PARD3B: variants seen among roughly 807,000 people sequenced by gnomAD.
The protein encoded by PARD3B is partitioning defective 3 homolog B.
Under a neutral mutation model 130.2 loss-of-function variants are expected in PARD3B, and 103 were observed. The ratio of observed to expected loss-of-function variants is 0.79; its 90% CI spans 0.67 to 0.93. PARD3B has a LOEUF of 0.93. Among genes scored for constraint, PARD3B ranks in the 40% least tolerant of loss-of-function variants. PARD3B has a pLI of 0.00. For synonymous variants in PARD3B, 583 were observed against 553.2 expected (o/e 1.05, Z -0.76); for missense variants, 1,609 against 1,499.2 (o/e 1.07, Z -1.21).
chr2:204,686,399 CAGGT>C (rs2037088367), intron 2 of PARD3B, 117 bp downstream of exon 2: 2 of 765,104 alleles, frequency 2.6e-6, no homozygotes, highest in Admixed American at 4.4e-5. Context: ...ACCATCTGTT[CAGGT>C]TTCACCTGGA....
At chr2:204,629,872 A>G (rs1429531874) in intron 1 of PARD3B, among the ~76,000 whole-genome samples, 9 of 152,216 alleles carry the variant, frequency 5.9e-5, no homozygotes, top group Non-Finnish European at 1.3e-4. Flanking sequence ...CATACCAAAT[A>G]CTATAGACTT....
intron 15 of PARD3B, among the ~76,000 whole-genome samples, chr2:205,209,567 C>A (rs1307580926): frequency 6.8e-6 from 1 of 147,670 alleles, no homozygotes; most frequent in Non-Finnish European, 1.5e-5. Flanking sequence ...ATATAATGTG[C>A]AATTAAATAT....
intron 2 of PARD3B, among the ~76,000 whole-genome samples, chr2:204,851,252 G>A (rs1267399222): frequency 3.3e-5 from 5 of 152,046 alleles, no homozygotes; most frequent in East Asian, 3.9e-4. Flanking sequence ...AACAAAAATA[G>A]AAAATAATTC....
At chr2:205,092,806 G>A (rs1336195482) in intron 4 of PARD3B, among the ~76,000 whole-genome samples, 1 of 152,172 alleles carries the variant, frequency 6.6e-6, no homozygotes, top group Admixed American at 6.6e-5. Context: ...TCCTTTCTCA[G>A]CTGGTGAGAA....
chr2:205,531,606 T>C (rs1435094460), intron 21 of PARD3B, among the ~76,000 whole-genome samples: 3 of 152,144 alleles, frequency 2.0e-5, no homozygotes, highest in Non-Finnish European at 4.4e-5. Flanking sequence ...ATTCCAGTCT[T>C]GCATGTTATT....
At chr2:204,582,321 G>T (rs1375329945) in intron 1 of PARD3B, among the ~76,000 whole-genome samples, 1 of 152,194 alleles carries the variant, frequency 6.6e-6, no homozygotes, top group East Asian at 1.9e-4. Flanking sequence ...CTGTCAGTTT[G>T]TGTGTGTGCA....
At chr2:205,475,111 T>C (rs1002035133) in intron 20 of PARD3B, among the ~76,000 whole-genome samples, 1 of 152,180 alleles carries the variant, frequency 6.6e-6, no homozygotes, top group Non-Finnish European at 1.5e-5. Flanking sequence ...AGGTCTTTTA[T>C]GCACTGAACT....
At chr2:204,874,114 G>A (rs188837490) in intron 2 of PARD3B, among the ~76,000 whole-genome samples, 195 of 152,220 alleles carry the variant, frequency 1.3e-3, no homozygotes, top group Non-Finnish European at 2.3e-3. Flanking sequence ...TCGTACTCCC[G>A]CCTGAGCGAT....
chr2:204,653,568 A>G, intron 1 of PARD3B, among the ~76,000 whole-genome samples: 1 of 150,764 alleles, frequency 6.6e-6, no homozygotes, highest in Non-Finnish European at 1.5e-5. Context: ...AGGTGGGTGG[A>G]TCACCTGAGG....
At chr2:205,260,316 G>A (rs2105759835) in intron 16 of PARD3B, among the ~76,000 whole-genome samples, 1 of 152,132 alleles carries the variant, frequency 6.6e-6, no homozygotes, top group East Asian at 1.9e-4. Flanking sequence ...ATAGCATCAT[G>A]TCAGTGCTCA....
At chr2:205,310,285 C>T (rs1336771298) in intron 18 of PARD3B, among the ~76,000 whole-genome samples, 1 of 151,864 alleles carries the variant, frequency 6.6e-6, no homozygotes, top group African/African-American at 2.4e-5. Flanking sequence ...GACGGGGTTT[C>T]ACCATGTTAG....
intron 22 of PARD3B, among the ~76,000 whole-genome samples, chr2:205,610,731 T>A (rs1227145144): frequency 6.6e-6 from 1 of 152,236 alleles, no homozygotes; most frequent in Non-Finnish European, 1.5e-5. Flanking sequence ...AGTCATTCTG[T>A]GTTGGACCCA....
chr2:205,617,544 T>G lies in PARD3B; in HGVS notation c.*1731T>G, dbSNP rs1021423682. On this transcript the variant is annotated 3_prime_UTR_variant, in exon 23 of 23. Coordinates refer to ENST00000406610, the MANE Select transcript of PARD3B (RefSeq NM_001302769.2). Reference sequence around the variant, plus strand: ...CTGCTAGTTTTAGATGTAAATAGTGTTATTTACTGGACTTTGTGATATTAT... The same window carrying G: ...CTGCTAGTTTTAGATGTAAATAGTGGTATTTACTGGACTTTGTGATATTAT... 2 of 152,204 alleles carry G rather than the reference T, an allele frequency of 1.3e-5. No individual in the cohort carries two copies. The highest frequency in any genetic ancestry group is 2.9e-5 in the Non-Finnish European group (2 of 68,048). The allele number at this position is 152,204 out of a possible 1,614,324, so 9.4% of individuals were successfully genotyped here.
At chr2:204,698,871 C>T (rs992974429) in intron 2 of PARD3B, among the ~76,000 whole-genome samples, 1 of 151,972 alleles carries the variant, frequency 6.6e-6, no homozygotes, top group East Asian at 1.9e-4. Context: ...AATGTCGCTT[C>T]AACTGGGTGC....
In PARD3B at chr2:205,400,993, TCTC is replaced by T. The variant is rs766550173; in HGVS notation, c.2631-17_2631-15del. 1 of 1,546,060 alleles carries T rather than the reference TCTC, an allele frequency of 6.5e-7. No homozygotes were observed. The highest frequency in any genetic ancestry group is 1.4e-5 in the African/African-American group (1 of 74,006). Reference sequence around the variant, plus strand: ...ACAATGTGATTATTGTTAACAGCCTTCTCCTTCACGTTTCACTAGATTTGGAAA... The same window carrying T: ...ACAATGTGATTATTGTTAACAGCCTTCTTCACGTTTCACTAGATTTGGAAA... On this transcript the variant is annotated splice_polypyrimidine_tract_variant and intron_variant, in intron 18 of 22. Coordinates refer to ENST00000406610, the MANE Select transcript of PARD3B (RefSeq NM_001302769.2).
At chr2:205,362,370 T>C (rs1284633583) in intron 18 of PARD3B, among the ~76,000 whole-genome samples, 1 of 152,236 alleles carries the variant, frequency 6.6e-6, no homozygotes, top group Non-Finnish European at 1.5e-5. Flanking sequence ...CAATAGGTTC[T>C]GCAACAAATT....
At chr2:204,950,489 G>A (rs1223554008) in intron 2 of PARD3B, among the ~76,000 whole-genome samples, 2 of 152,132 alleles carry the variant, frequency 1.3e-5, no homozygotes, top group Non-Finnish European at 2.9e-5. Flanking sequence ...GTAGATGCGA[G>A]GGCGTGCGGG....
chr2:205,569,598 C>A (rs757892588), intron 22 of PARD3B, among the ~76,000 whole-genome samples: 8 of 152,132 alleles, frequency 5.3e-5, no homozygotes, highest in Non-Finnish European at 1.5e-5. Context: ...TCTAGACACC[C>A]ATGCTGAATG....
chr2:204,949,674 A>G (rs1452325769), intron 2 of PARD3B, among the ~76,000 whole-genome samples: 1 of 152,180 alleles, frequency 6.6e-6, no homozygotes, highest in Non-Finnish European at 1.5e-5. Context: ...CATTAGTGGT[A>G]TGCCTACTAA....
Sources: gnomAD v4.1 joint callset for allele counts (sites outside exome capture counted in the v4.1 genomes callset) on GRCh38, gnomAD v4.1.1 for gene constraint, MANE v1.5 for transcripts, NCBI Gene and HGNC (gene_info 2026-07-23, HGNC 2026-07-21) for gene names.